Variants in LZTFL1 observed in about 807,000 individuals in gnomAD.
The protein encoded by LZTFL1 is leucine zipper transcription factor-like protein 1.
LZTFL1 carries 25 observed loss-of-function variants against 45.9 expected under a neutral mutation model. That is an observed-to-expected ratio of 0.54 (90% CI 0.40 to 0.76). LZTFL1 has a LOEUF of 0.76. Among genes scored for constraint, LZTFL1 ranks in the 30% least tolerant of loss-of-function variants. The probability of loss-of-function intolerance (pLI) is 0.00; values close to 1 mark genes in which losing one functional copy is unlikely to be tolerated. For missense variants in LZTFL1, 277 were observed against 331.1 expected (o/e 0.84, Z 1.27); for synonymous variants, 93 against 117.4 (o/e 0.79, Z 1.35).
Position 45,824,209 on chromosome 3 carries a change from C to G in LZTFL1, c.*2105G>C, listed in dbSNP as rs1468084033. 2 of 152,064 alleles carry G rather than the reference C, an allele frequency of 1.3e-5. No homozygotes were observed. Among genetic ancestry groups the G allele is most frequent in the Non-Finnish European group, 2.9e-5 (2 of 68,018 alleles). The allele number at this position is 152,064 out of a possible 1,614,324, so 9.4% of individuals were successfully genotyped here. ...CTGTCTGGCTTAGCACATCAAAAGT[C>G]TAATCAAGGCTCAAACCACCATCCT... On this transcript the variant is annotated 3_prime_UTR_variant, in exon 10 of 10. Transcript: ENST00000296135.
Position 45,842,094 on chromosome 3 carries a change from G to C in LZTFL1, c.-103C>G, listed in dbSNP as rs551085477. The C allele has an allele frequency of 2.7e-4, 426 of 1,565,478 alleles. 1 individual carries two copies. Among genetic ancestry groups the C allele is most frequent in the Admixed American group, 1.1e-4 (6 of 53,874 alleles). On this transcript the variant is annotated 5_prime_UTR_variant, in exon 1 of 10. Coordinates refer to ENST00000296135, the MANE Select transcript of LZTFL1 (RefSeq NM_020347.4). The stretch of plus-strand genomic sequence containing the variant: ...TAGTTGGACCACAGAAAATGGGGAA[G>C]GAGGGTAGGTTGTTTAGAAGCCTCT...
chr3:45,884,197 T>C (rs1701921723), intron 2 of LZTFL1: 1 of 152,362 alleles, frequency 6.6e-6, no homozygotes, highest in African/African-American at 2.4e-5. Context: ...GAAATAGCCC[T>C]TAGAAAAGGG....
rs1232454522 is a variant in LZTFL1, at chr3:45,894,848, TG to T, written c.-215+18271del. 7.4e-6 allele frequency: 9 copies of T among 1,218,762 alleles called. No homozygotes were observed. In the African/African-American group the frequency reaches 1.3e-4, roughly 18 times the overall value. The allele number at this position is 1,218,762 out of a possible 1,614,324, so 75.5% of individuals were successfully genotyped here. A position where few individuals can be genotyped will look rare whatever the true frequency, so the allele number is the denominator to read the frequency against. ...ATTTAATCTCCATCTTTTTGGCATT[TG>T]GTTGTTACTATTCGTTTACAAGCCA... On this transcript the variant is annotated intron_variant, in intron 2 of 4. Coordinates refer to the LZTFL1 transcript ENST00000472635.
At chr3:45,883,990 TG>T (rs566436136) in intron 2 of LZTFL1, 76 of 293,304 alleles carry the variant, frequency 2.6e-4, no homozygotes, top group African/African-American at 1.6e-3. Context: ...CACGCCATTC[TG>T]GGGTAGGTTG....
intron 1 of LZTFL1, chr3:45,915,292 C>A: frequency 3.4e-6 from 1 of 294,082 alleles, no homozygotes; most frequent in South Asian, 3.0e-5. Flanking sequence ...CTTTCTGTTA[C>A]CCCTCTTTTC....
At chr3:45,872,716 T>G (rs982506864) in intron 2 of LZTFL1, among the ~76,000 whole-genome samples, 12 of 152,174 alleles carry the variant, frequency 7.9e-5, no homozygotes, top group African/African-American at 2.4e-4. Context: ...CTAAAGAAAC[T>G]TTTAACTGGG....
intron 2 of LZTFL1, among the ~76,000 whole-genome samples, chr3:45,871,025 A>G (rs1001586907): frequency 2.6e-5 from 4 of 152,216 alleles, no homozygotes; most frequent in Non-Finnish European, 4.4e-5. Flanking sequence ...ATGTTAGTAC[A>G]TGTAGATCCA....
At chr3:45,877,695 C>T (rs1048970778) in intron 2 of LZTFL1, among the ~76,000 whole-genome samples, 7 of 150,668 alleles carry the variant, frequency 4.6e-5, no homozygotes, top group African/African-American at 1.7e-4. Flanking sequence ...AATCTGAGTC[C>T]TGTGATGGGG....
intron 2 of LZTFL1, among the ~76,000 whole-genome samples, chr3:45,882,790 G>A (rs1701883348): frequency 7.9e-6 from 1 of 126,692 alleles, no homozygotes; most frequent in East Asian, 2.5e-4. Context: ...ATAACCCAAA[G>A]GGGATACTAT....
At chr3:45,859,051 T>C (rs373671469) in intron 2 of LZTFL1, 55 of 152,316 alleles carry the variant, frequency 3.6e-4, no homozygotes, top group African/African-American at 1.3e-3. Context: ...AAAGTAAAAA[T>C]GACTGACAGT....
In LZTFL1 at chr3:45,837,750, C is replaced by T. The variant is rs574835068; in HGVS notation, c.128+177G>A. 2.0e-5 allele frequency among the ~76,000 whole-genome samples: 3 copies of T among 152,338 alleles called. No individual in the cohort carries two copies. In the East Asian group the frequency reaches 5.8e-4, roughly 29 times the overall value. ...TCTGACAATAGATTCATTGCTTTCA[C>T]CACAATACAACTTCTTTTGTTTCCT... On this transcript the variant is annotated intron_variant, in intron 2 of 9. Transcript: ENST00000296135.
chr3:45,828,576 T>C lies in LZTFL1; in HGVS notation c.640A>G (p.Thr214Ala), dbSNP rs1700730294. 1 of 1,614,166 alleles carries C rather than the reference T, an allele frequency of 6.2e-7. No homozygotes were observed. The highest frequency in any genetic ancestry group is 8.5e-7 in the Non-Finnish European group (1 of 1,180,002). ...AACTCACTCTTTAAGGCAGCGACAGTGTTTTCTAAGTTACTTAAGTCTTGG... is the reference window on the plus strand; with the variant it reads ...AACTCACTCTTTAAGGCAGCGACAGCGTTTTCTAAGTTACTTAAGTCTTGG... ...KAQDLSNLEN[T>A]VAALKSEFQK... The change falls in exon 8 of 10, where the codon ACT becomes GCT. Residue 214 changes from threonine (T) to alanine (A), a missense_variant. Coordinates refer to ENST00000296135, the MANE Select transcript of LZTFL1 (RefSeq NM_020347.4).
intron 2 of LZTFL1, among the ~76,000 whole-genome samples, chr3:45,910,949 A>G (rs1041771159): frequency 5.3e-5 from 8 of 152,296 alleles, no homozygotes; most frequent in Middle Eastern, 6.8e-3. Context: ...GCTTAACTGG[A>G]AAGCTTAACT....
At chr3:45,905,527 T>A (rs1029998854) in intron 2 of LZTFL1, among the ~76,000 whole-genome samples, 2 of 152,380 alleles carry the variant, frequency 1.3e-5, no homozygotes, top group Non-Finnish European at 2.9e-5. Context: ...AAAACCTCTA[T>A]GGTCATATGG....
chr3:45,878,666 A>G (rs1701795298), intron 2 of LZTFL1, among the ~76,000 whole-genome samples: 1 of 152,134 alleles, frequency 6.6e-6, no homozygotes, highest in African/African-American at 2.4e-5. Flanking sequence ...AGACTGGGAG[A>G]AAGTATTTGC....
intron 2 of LZTFL1, among the ~76,000 whole-genome samples, chr3:45,907,090 G>T (rs930556962): frequency 1.3e-5 from 2 of 152,172 alleles, no homozygotes; most frequent in African/African-American, 4.8e-5. Flanking sequence ...TGTCCATCCT[G>T]CCCATGGCCG....
At chr3:45,887,703 G>C (rs1702024895) in intron 2 of LZTFL1, among the ~76,000 whole-genome samples, 1 of 152,168 alleles carries the variant, frequency 6.6e-6, no homozygotes, top group African/African-American at 2.4e-5. Context: ...TCCAATATCT[G>C]CTTATCTGTT....
At chr3:45,842,306 G>A (rs1701142728), upstream of LZTFL1, 4 of 690,130 alleles carry the variant, frequency 5.8e-6, no homozygotes, top group African/African-American at 1.8e-5. Context: ...GAAGGTAGCG[G>A]GAGGGTTGGG....
chr3:45,906,429 A>T (rs989595372), intron 2 of LZTFL1, among the ~76,000 whole-genome samples: 2 of 152,166 alleles, frequency 1.3e-5, no homozygotes, highest in African/African-American at 4.8e-5. Flanking sequence ...GCTTTGTCTG[A>T]CATGGTCAGA....
Sources: allele counts gnomAD v4.1 joint callset (sites outside exome capture counted in the v4.1 genomes callset), GRCh38; gene constraint gnomAD v4.1.1; transcripts MANE v1.5; gene names NCBI Gene and HGNC (gene_info 2026-07-23, HGNC 2026-07-21).